Variants in SCG3 observed in about 807,000 individuals in gnomAD.
The protein encoded by SCG3 is secretogranin III.
SCG3 carries 38 observed loss-of-function variants against 56.2 expected under a neutral mutation model. The ratio of observed to expected loss-of-function variants is 0.68; its 90% CI spans 0.52 to 0.89. SCG3 has a LOEUF of 0.89. Ranked by LOEUF, SCG3 falls within the 40% of genes least tolerant of loss-of-function variation. The pLI is 0.00. For synonymous variants in SCG3, 176 were observed against 184.2 expected (o/e 0.96, Z 0.36); for missense variants, 524 against 540.7 (o/e 0.97, Z 0.31).
chr15:51,691,644 C>G (rs1444260817), intron 6 of SCG3, among the ~76,000 whole-genome samples: 1 of 152,140 alleles, frequency 6.6e-6, no homozygotes, highest in Admixed American at 6.5e-5. Context: ...AGATGCAAGT[C>G]ACTGAACAAA....
chr15:51,681,637 T>TCCCCCCC lies in SCG3; in HGVS notation c.-116_-115insCCCCCCC. The TCCCCCCC allele has an allele frequency of 3.4e-6, 2 of 582,690 alleles. No homozygotes were observed. Among genetic ancestry groups the TCCCCCCC allele is most frequent in the Non-Finnish European group, 3.3e-6 (1 of 307,202 alleles). The allele number at this position is 582,690 out of a possible 1,614,324, so 36.1% of individuals were successfully genotyped here. On this transcript the variant is annotated 5_prime_UTR_variant, in exon 1 of 12. Coordinates refer to ENST00000220478, the MANE Select transcript of SCG3 (RefSeq NM_013243.4). ...TGCAGCCGCCCAGTCCCGGCCCCTC[T>TCCCCCCC]CCCGCCCCACACCCACCCTCCTGGC...
chr15:51,686,325 T>C (rs549943895), intron 4 of SCG3, among the ~76,000 whole-genome samples: 1 of 152,336 alleles, frequency 6.6e-6, no homozygotes, highest in South Asian at 2.1e-4. Context: ...AGGGGAGACC[T>C]AAGTTCCTGG....
chr15:51,681,629 G>C lies in SCG3; in HGVS notation c.-127G>C. Reference sequence around the variant, plus strand: ...AGAGATCCTGCAGCCGCCCAGTCCCGGCCCCTCTCCCGCCCCACACCCACC... The same window carrying C: ...AGAGATCCTGCAGCCGCCCAGTCCCCGCCCCTCTCCCGCCCCACACCCACC... On this transcript the variant is annotated 5_prime_UTR_variant, in exon 1 of 12. Transcript: ENST00000220478. 1 of 676,422 alleles carries C rather than the reference G, an allele frequency of 1.5e-6. No homozygotes were observed. Among genetic ancestry groups the C allele is most frequent in the South Asian group, 1.7e-5 (1 of 60,042 alleles). 41.9% of individuals were successfully genotyped at this position (676,422 alleles called of 1,614,324 possible). A position where few individuals can be genotyped will look rare whatever the true frequency, so the allele number is the denominator to read the frequency against.
chr15:51,709,701 A>ATTTTTTT lies in SCG3; in HGVS notation c.1208-3601_1208-3595dup, dbSNP rs869162420. Among the ~76,000 whole-genome samples the ATTTTTTT allele has an allele frequency of 1.7e-4, 4 of 22,962 alleles. 1 individual carries two copies. Among genetic ancestry groups the ATTTTTTT allele is most frequent in the Non-Finnish European group, 2.6e-4 (4 of 15,308 alleles). 15.1% of individuals were successfully genotyped at this position (22,962 alleles called of 152,430 possible). The stretch of plus-strand genomic sequence containing the variant: ...TATATATATATATATATATATATAT[A>ATTTTTTT]TTTTTTTTTTTTTTTTTTTTTTTTT... On this transcript the variant is annotated intron_variant, in intron 10 of 11. Coordinates refer to ENST00000220478, the MANE Select transcript of SCG3 (RefSeq NM_013243.4).
chr15:51,704,228 TATACATAC>T (rs71458464), intron 10 of SCG3, among the ~76,000 whole-genome samples: 14 of 103,272 alleles, frequency 1.4e-4, no homozygotes, highest in African/African-American at 4.7e-4. Context: ...TATATGTGTG[TATACATAC>T]ATACATACAT....
chr15:51,712,015 G>T (rs928755176), intron 10 of SCG3, among the ~76,000 whole-genome samples: 27 of 152,314 alleles, frequency 1.8e-4, no homozygotes, highest in African/African-American at 6.5e-4. Flanking sequence ...ATGGACTGTA[G>T]TTGGAGGTAC....
chr15:51,681,568 G>C lies in SCG3; in HGVS notation c.-188G>C, dbSNP rs2055193946. On this transcript the variant is annotated 5_prime_UTR_variant, in exon 1 of 12. Transcript: ENST00000220478. ...CTACCTGGAGACTTGACTCCCGCGC[G>C]CCCCAACCCTGCTTATCCCTTGACC... 1.7e-6 allele frequency: 1 copy of C among 584,074 alleles called. No homozygotes were observed. The highest frequency in any genetic ancestry group is 3.1e-6 in the Non-Finnish European group (1 of 325,632). 36.2% of individuals were successfully genotyped at this position (584,074 alleles called of 1,614,324 possible). A position where few individuals can be genotyped will look rare whatever the true frequency, so the allele number is the denominator to read the frequency against.
At position 51,713,413 on chromosome 15, in the gene SCG3, G is replaced by T. The variant is rs756388106; in HGVS notation, c.1288G>T (p.Asp430Tyr). ...ACATGACAAAAAGGGAAATAAAGAA[G>T]GTAGGACCAAGTGTGGTTGTACATT... ...KKHDKKGNKE[D>Y]YDLSKMRDFI... The change falls in exon 11 of 12, where the codon GAT (aspartate) becomes TAT (tyrosine). Residue 430 changes from aspartate to tyrosine, a missense_variant and splice_region_variant. Physicochemically the swap from Asp to Tyr is radical, Grantham distance 160. Transcript: ENST00000220478. 5 of 1,588,754 alleles carry T rather than the reference G, an allele frequency of 3.1e-6. No individual in the cohort carries two copies. The South Asian group carries it at 4.5e-5, about 14-fold the overall frequency.
chr15:51,713,418 G>T lies in SCG3; in HGVS notation c.1288+5G>T. 1.3e-6 allele frequency: 2 copies of T among 1,574,674 alleles called. No homozygotes were observed. Among genetic ancestry groups the T allele is most frequent in the South Asian group, 2.3e-5 (2 of 86,984 alleles). On this transcript the variant is annotated splice_donor_5th_base_variant and intron_variant, in intron 11 of 11. Transcript: ENST00000220478. ...ACAAAAAGGGAAATAAAGAAGGTAG[G>T]ACCAAGTGTGGTTGTACATTGCAAA...
chr15:51,681,685 T>G lies in SCG3; in HGVS notation c.-71T>G. The G allele has an allele frequency of 1.0e-6, 1 of 969,444 alleles. No individual in the cohort carries two copies. The highest frequency in any genetic ancestry group is 1.3e-5 in the South Asian group (1 of 76,316). The allele number at this position is 969,444 out of a possible 1,614,324, so 60.1% of individuals were successfully genotyped here. A position where few individuals can be genotyped will look rare whatever the true frequency, so the allele number is the denominator to read the frequency against. ...GGCTCTTCCTGTTTTTACTCCTCCT[T>G]TTCATTCATAACAAAAGCTACAGCT... On this transcript the variant is annotated 5_prime_UTR_variant, in exon 1 of 12. Coordinates refer to ENST00000220478, the MANE Select transcript of SCG3 (RefSeq NM_013243.4).
At chr15:51,708,550 A>G (rs926906608) in intron 10 of SCG3, among the ~76,000 whole-genome samples, 18 of 152,248 alleles carry the variant, frequency 1.2e-4, no homozygotes, top group African/African-American at 4.1e-4. Context: ...TTTAATGTGC[A>G]TCAAAGTTTG....
At chr15:51,707,426 A>G (rs549940251) in intron 10 of SCG3, among the ~76,000 whole-genome samples, 1 of 152,366 alleles carries the variant, frequency 6.6e-6, no homozygotes, top group African/African-American at 2.4e-5. Flanking sequence ...TCCAAAAACA[A>G]TGAGTCCAAT....
chr15:51,713,832 A>G (rs904747237), intron 11 of SCG3, among the ~76,000 whole-genome samples: 4 of 152,196 alleles, frequency 2.6e-5, no homozygotes, highest in Non-Finnish European at 5.9e-5. Context: ...ACTCGCTTAC[A>G]TAAAGCAAAA....
intron 11 of SCG3, among the ~76,000 whole-genome samples, chr15:51,717,530 CAAAAAAAAAGAAAAAAAG>C (rs2055465848): frequency 1.3e-5 from 1 of 75,604 alleles, no homozygotes; most frequent in Non-Finnish European, 2.6e-5. Flanking sequence ...GAGACCCTGT[CAAAAAAAAAGAAAAAAAG>C]AAAAAAAAAG....
In SCG3 at chr15:51,683,231, G is replaced by A. The variant is rs1389570381; in HGVS notation, c.194G>A (p.Gly65Asp). The A allele has an allele frequency of 1.9e-6, 3 of 1,613,354 alleles. No homozygotes were observed. The highest frequency in any genetic ancestry group is 2.5e-6 in the Non-Finnish European group (3 of 1,179,728). ...GCTATTCTTCCAGAAAACAAGCCAG[G>A]TCAGAGCAACTATTCTTTTGTTGAT... ...KKTYPPENKP[G>D]QSNYSFVDNL... Residue 65 changes from glycine to aspartate, a missense_variant, in exon 4 of 12, where the codon GGT becomes GAT. Gly to Asp is a moderately conservative substitution (Grantham distance 94). Coordinates refer to ENST00000220478, the MANE Select transcript of SCG3 (RefSeq NM_013243.4).
At position 51,713,203 on chromosome 15, in the gene SCG3, T is replaced by A. The variant is rs1487125463; in HGVS notation, c.1208-130T>A. ...GACACATACAAATATGTACATTACC[T>A]AGTTAGGGAAACAACCTTGCAAATG... On this transcript the variant is annotated intron_variant, in intron 10 of 11. Transcript: ENST00000220478. The A allele has an allele frequency of 9.5e-6, 6 of 633,296 alleles. No homozygotes were observed. The African/African-American group carries it at 1.1e-4, about 12-fold the overall frequency. 39.2% of individuals were successfully genotyped at this position (633,296 alleles called of 1,614,324 possible).
At chr15:51,689,131 C>A in intron 5 of SCG3, 88 bp from the exon 6 acceptor site, 1 of 1,352,704 alleles carries the variant, frequency 7.4e-7, no homozygotes, top group Admixed American at 2.0e-5. Flanking sequence ...TTAAAAAATA[C>A]ATGTTTGACT....
At chr15:51,709,262 T>G (rs1297178594) in intron 10 of SCG3, among the ~76,000 whole-genome samples, 1 of 152,050 alleles carries the variant, frequency 6.6e-6, no homozygotes, top group African/African-American at 2.4e-5. Flanking sequence ...AACAGCAGCA[T>G]GGGGGTAACC....
At chr15:51,695,677 T>C in intron 7 of SCG3, 198 bp from the exon 8 acceptor site, 2 of 472,850 alleles carry the variant, frequency 4.2e-6, no homozygotes, top group Non-Finnish European at 7.4e-6. Context: ...TGCAGGAGAT[T>C]AGTCTGAGAC....
Sources: allele counts gnomAD v4.1 joint callset (sites outside exome capture counted in the v4.1 genomes callset), GRCh38; gene constraint gnomAD v4.1.1; transcripts MANE v1.5; gene names NCBI Gene and HGNC (gene_info 2026-07-23, HGNC 2026-07-21).